FNDC3A: variants seen among roughly 807,000 people sequenced by gnomAD.
The protein encoded by FNDC3A is fibronectin type III domain containing 3A.
A neutral mutation model predicts 148.9 loss-of-function variants in FNDC3A; 32 were observed. The ratio of observed to expected loss-of-function variants is 0.21; its 90% CI spans 0.16 to 0.29. The LOEUF is 0.29. Ranked by LOEUF, FNDC3A falls within the 10% of genes least tolerant of loss-of-function variation. The pLI is 1.00. For synonymous variants in FNDC3A, 472 were observed against 473.6 expected, an observed-to-expected ratio of 1.00 and a Z score of 0.04; for missense variants, 1,191 against 1,452.8, an observed-to-expected ratio of 0.82 and a Z score of 2.93.
At chr13:49,145,405 G>A (rs984668716) in intron 7 of FNDC3A, among the ~76,000 whole-genome samples, 11 of 152,210 alleles carry the variant, frequency 7.2e-5, no homozygotes, top group African/African-American at 2.4e-4. Context: ...TTTGGATGTC[G>A]ATGTCCTTTG....
chr13:49,013,337 A>G (rs1952398307), intron 2 of FNDC3A, among the ~76,000 whole-genome samples: 1 of 151,114 alleles, frequency 6.6e-6, no homozygotes, highest in South Asian at 2.1e-4. Context: ...TTTCTAAGAT[A>G]ATGATATATT....
intron 3 of FNDC3A, among the ~76,000 whole-genome samples, chr13:49,085,835 A>G (rs915071695): frequency 1.3e-5 from 2 of 151,366 alleles, no homozygotes; most frequent in African/African-American, 4.9e-5. Flanking sequence ...ATAAACGGAG[A>G]TGTCAAAGGA....
intron 4 of FNDC3A, among the ~76,000 whole-genome samples, chr13:49,122,152 A>G (rs1881391650): frequency 6.6e-6 from 1 of 152,214 alleles, no homozygotes; most frequent in African/African-American, 2.4e-5. Flanking sequence ...CTTATCCACC[A>G]TAATCAAGTC....
rs1437395240 is a variant in FNDC3A at position 49,054,537 on chromosome 13, T to C, written c.100-20752T>C. ...TGCTCCAGGCTGTACCCAAACCACC[T>C]TGGGCACATGTTCTCATAGTGCATA... On this transcript the variant is annotated intron_variant, in intron 2 of 25. Transcript: ENST00000492622. Among the ~76,000 whole-genome samples the C allele has an allele frequency of 2.0e-5, 3 of 152,198 alleles. No individual in the cohort carries two copies. The East Asian group carries it at 5.8e-4, about 29-fold the overall frequency.
chr13:49,060,524 G>C lies in FNDC3A; in HGVS notation c.100-14765G>C, dbSNP rs1876593571. On this transcript the variant is annotated intron_variant, in intron 2 of 25. Coordinates refer to ENST00000492622, the MANE Select transcript of FNDC3A (RefSeq NM_001079673.2). ...CCAGGTGTGGTGGCATATGCCAGTG[G>C]TCCCAGCTACTCGGGAGGCTGAAGC... Among the ~76,000 whole-genome samples the C allele has an allele frequency of 2.0e-5, 3 of 151,874 alleles. No individual in the cohort carries two copies. In the South Asian group the frequency reaches 6.3e-4, roughly 32 times the overall value.
At chr13:49,024,795 G>A (rs1415502649) in intron 2 of FNDC3A, among the ~76,000 whole-genome samples, 2 of 151,920 alleles carry the variant, frequency 1.3e-5, no homozygotes, top group African/African-American at 2.4e-5. Flanking sequence ...ATGGGGAAAA[G>A]CCGAAAGCTT....
intron 13 of FNDC3A, among the ~76,000 whole-genome samples, chr13:49,176,457 G>C (rs146120409): frequency 0.019 from 2,837 of 152,088 alleles, 91 homozygotes; most frequent in African/African-American, 0.063. Flanking sequence ...ACAGGGAGGG[G>C]AACATCACAC....
intron 2 of FNDC3A, among the ~76,000 whole-genome samples, chr13:49,030,477 T>G (rs1874029626): frequency 6.6e-6 from 1 of 152,224 alleles, no homozygotes; most frequent in South Asian, 2.1e-4. Flanking sequence ...GATGTCCTGC[T>G]GTCACCACTT....
chr13:48,991,766 G>A (rs1951923783), intron 1 of FNDC3A, among the ~76,000 whole-genome samples: 1 of 152,082 alleles, frequency 6.6e-6, no homozygotes. Flanking sequence ...AAATACAGAT[G>A]CTCTTTAATT....
chr13:49,177,753 A>T (rs893728413), intron 13 of FNDC3A, among the ~76,000 whole-genome samples: 1 of 152,202 alleles, frequency 6.6e-6, no homozygotes, highest in African/African-American at 2.4e-5. Context: ...TTGATGACCT[A>T]TATGAACCAA....
In FNDC3A at chr13:49,136,134, G is replaced by GAT. The variant is rs574012187; in HGVS notation, c.491-190_491-189dup. Among the ~76,000 whole-genome samples, 947 of 152,180 alleles carry GAT rather than the reference G, an allele frequency of 6.2e-3. 8 individuals carry two copies. The highest frequency in any genetic ancestry group is 0.027 in the Middle Eastern group (8 of 294). ...TCTCTGTAAATTTACTTGAGAGAGA[G>GAT]ATATATATAATTAGAATAAATCACA... On this transcript the variant is annotated intron_variant, in intron 5 of 25. Coordinates refer to ENST00000492622, the MANE Select transcript of FNDC3A (RefSeq NM_001079673.2).
chr13:49,174,385 T>A, intron 11 of FNDC3A, 50 bp from the exon 12 acceptor site: 1 of 1,485,118 alleles, frequency 6.7e-7, no homozygotes, highest in African/African-American at 1.4e-5. Context: ...TGCGAATTTA[T>A]CTTTTTACAG....
intron 8 of FNDC3A, among the ~76,000 whole-genome samples, chr13:49,162,416 G>A (rs1189160840): frequency 6.6e-6 from 1 of 152,144 alleles, no homozygotes; most frequent in Non-Finnish European, 1.5e-5. Context: ...TGAAGCTTGT[G>A]CATGTGTCAC....
chr13:49,103,957 G>C (rs1321956798), intron 3 of FNDC3A, among the ~76,000 whole-genome samples: 1 of 152,080 alleles, frequency 6.6e-6, no homozygotes, highest in Non-Finnish European at 1.5e-5. Context: ...AGATCATGTA[G>C]AATAAGGGAA....
chr13:48,987,239 A>G (rs1029016069), intron 1 of FNDC3A, among the ~76,000 whole-genome samples: 1 of 152,262 alleles, frequency 6.6e-6, no homozygotes, highest in African/African-American at 2.4e-5. Context: ...GACACTAGAC[A>G]GCTAGAGCTA....
At chr13:48,993,763 T>A (rs1951966626) in intron 1 of FNDC3A, among the ~76,000 whole-genome samples, 1 of 152,226 alleles carries the variant, frequency 6.6e-6, no homozygotes, top group African/African-American at 2.4e-5. Flanking sequence ...TATATGGGTG[T>A]TTGCTGTTCA....
chr13:49,014,012 G>C (rs1320840705), intron 2 of FNDC3A, among the ~76,000 whole-genome samples: 4 of 146,714 alleles, frequency 2.7e-5, no homozygotes, highest in African/African-American at 7.6e-5. Flanking sequence ...GGACATTTGG[G>C]TTGGTTCCAA....
chr13:49,090,855 A>G (rs1879145425), intron 3 of FNDC3A, among the ~76,000 whole-genome samples: 1 of 152,156 alleles, frequency 6.6e-6, no homozygotes, highest in South Asian at 2.1e-4. Flanking sequence ...AAAATTAGGC[A>G]TGGTGGTGTA....
intron 4 of FNDC3A, among the ~76,000 whole-genome samples, chr13:49,124,418 C>A (rs1411744327): frequency 6.6e-6 from 1 of 151,624 alleles, no homozygotes; most frequent in African/African-American, 2.4e-5. Context: ...TGCAGCAAAC[C>A]ACCATGGCAC....
Sources: gnomAD v4.1 joint callset for allele counts (sites outside exome capture counted in the v4.1 genomes callset) on GRCh38, gnomAD v4.1.1 for gene constraint, MANE v1.5 for transcripts, NCBI Gene and HGNC (gene_info 2026-07-23, HGNC 2026-07-21) for gene names.